PREX2: variants seen among roughly 807,000 people sequenced by gnomAD.
PREX2 encodes the protein phosphatidylinositol-3,4,5-trisphosphate dependent Rac exchange factor 2, also known as phosphatidylinositol 3,4,5-trisphosphate-dependent Rac exchanger 2 protein.
In PREX2, 107 loss-of-function variants were observed where a neutral mutation model predicts 203.2. The observed-to-expected ratio is 0.53, with a 90% CI of 0.45 to 0.62. The LOEUF (loss-of-function observed/expected upper bound fraction) is 0.62, where lower values mean the gene tolerates loss of function less well. Among genes scored for constraint, PREX2 ranks in the 20% least tolerant of loss-of-function variants. The probability of loss-of-function intolerance (pLI) is 0.00; values close to 1 mark genes in which losing one functional copy is unlikely to be tolerated. For missense variants in PREX2, 1,777 were observed against 1,955.9 expected, an observed-to-expected ratio of 0.91 and a Z score of 1.72; for synonymous variants, 672 against 663.6, an observed-to-expected ratio of 1.01 and a Z score of -0.19.
At chr8:68,052,203 A>G (rs1383801552) in intron 8 of PREX2, among the ~76,000 whole-genome samples, 1 of 152,214 alleles carries the variant, frequency 6.6e-6, no homozygotes, top group Non-Finnish European at 1.5e-5. Flanking sequence ...GACTTTCAGG[A>G]GAGACACATG....
Position 68,235,459 on chromosome 8 carries a change from C to T in PREX2, c.*4081C>T, listed in dbSNP as rs943913603. ...GTAATTTCATTAACACATATATATA[C>T]TAACCAATTTGCTAAATGAATTGTC... On this transcript the variant is annotated 3_prime_UTR_variant, in exon 40 of 40. Coordinates refer to ENST00000288368, the MANE Select transcript of PREX2 (RefSeq NM_024870.4). 6.6e-6 allele frequency: 1 copy of T among 152,106 alleles called. No individual in the cohort carries two copies. The highest frequency in any genetic ancestry group is 1.5e-5 in the Non-Finnish European group (1 of 68,004). The allele number at this position is 152,106 out of a possible 1,614,324, so 9.4% of individuals were successfully genotyped here.
At chr8:68,145,711 T>C (rs1451153487) in intron 33 of PREX2, among the ~76,000 whole-genome samples, 1 of 152,132 alleles carries the variant, frequency 6.6e-6, no homozygotes, top group African/African-American at 2.4e-5. Context: ...GGACAATTTT[T>C]AATGACTGTG....
chr8:68,100,761 A>T (rs1810238966), intron 23 of PREX2, among the ~76,000 whole-genome samples: 2 of 152,120 alleles, frequency 1.3e-5, no homozygotes, highest in Admixed American at 6.6e-5. Flanking sequence ...ATTAATGAAA[A>T]CCAGTTGGAA....
intron 37 of PREX2, 98 bp from the exon 38 acceptor site, chr8:68,217,518 T>C: frequency 1.2e-6 from 1 of 811,774 alleles, no homozygotes; most frequent in Admixed American, 2.1e-5. Flanking sequence ...GCTTTTATTT[T>C]GGCTGGTGCT....
intron 1 of PREX2, among the ~76,000 whole-genome samples, chr8:67,955,170 A>AAAAAT (rs1554556251): frequency 9.3e-5 from 13 of 139,484 alleles, no homozygotes; most frequent in African/African-American, 3.0e-4. Flanking sequence ...AAAAAAAAAA[A>AAAAAT]AGAAATCATA....
chr8:67,978,771 G>A (rs1349887198), intron 1 of PREX2, among the ~76,000 whole-genome samples: 1 of 152,056 alleles, frequency 6.6e-6, no homozygotes, highest in East Asian at 1.9e-4. Flanking sequence ...TAGCCTATAA[G>A]CCACTCTAGA....
chr8:68,163,649 G>A (rs1208059367), intron 35 of PREX2, among the ~76,000 whole-genome samples: 1 of 152,144 alleles, frequency 6.6e-6, no homozygotes, highest in African/African-American at 2.4e-5. Context: ...GGAAGGCAGA[G>A]CAATTAGATT....
At chr8:68,148,541 T>C (rs959906409) in intron 34 of PREX2, among the ~76,000 whole-genome samples, 1 of 152,242 alleles carries the variant, frequency 6.6e-6, no homozygotes, top group South Asian at 2.1e-4. Flanking sequence ...AATGTACACA[T>C]AGGCAAAAAA....
rs555818308 is a variant in PREX2, at chr8:68,053,001, A to T, written c.944-96A>T. 299 of 1,040,766 alleles carry T rather than the reference A, an allele frequency of 2.9e-4. 3 individuals carry two copies. In the South Asian group the frequency reaches 4.5e-3, roughly 16 times the overall value. 64.5% of individuals were successfully genotyped at this position (1,040,766 alleles called of 1,614,324 possible). A position where few individuals can be genotyped will look rare whatever the true frequency, so the allele number is the denominator to read the frequency against. On this transcript the variant is annotated intron_variant, in intron 8 of 39. Coordinates refer to ENST00000288368, the MANE Select transcript of PREX2 (RefSeq NM_024870.4). ...AAAGCAAAGAGATGTTGAACAATTC[A>T]GTGGTTTTGGAACTTTTGTGTATTG...
At chr8:68,040,306 G>T (rs1028937868) in intron 7 of PREX2, among the ~76,000 whole-genome samples, 2 of 151,992 alleles carry the variant, frequency 1.3e-5, no homozygotes, top group African/African-American at 4.8e-5. Flanking sequence ...GACTATAGGC[G>T]TGAGCCACCG....
At chr8:68,131,653 A>T (rs965662469) in intron 31 of PREX2, among the ~76,000 whole-genome samples, 1 of 152,230 alleles carries the variant, frequency 6.6e-6, no homozygotes, top group Non-Finnish European at 1.5e-5. Flanking sequence ...CAAATAGTAT[A>T]TAGTAGCAGA....
At chr8:68,184,258 G>T (rs1045023651) in intron 35 of PREX2, among the ~76,000 whole-genome samples, 2 of 152,110 alleles carry the variant, frequency 1.3e-5, no homozygotes, top group African/African-American at 4.8e-5. Flanking sequence ...CTCTTCATGA[G>T]AATTTTTTAT....
chr8:68,033,136 G>A (rs1807937025), intron 6 of PREX2, among the ~76,000 whole-genome samples: 1 of 152,118 alleles, frequency 6.6e-6, no homozygotes, highest in Admixed American at 6.6e-5. Context: ...AGCACAATGT[G>A]CCTATCTAGT....
intron 31 of PREX2, among the ~76,000 whole-genome samples, chr8:68,128,166 C>A (rs551189359): frequency 6.6e-6 from 1 of 152,260 alleles, no homozygotes; most frequent in East Asian, 1.9e-4. Flanking sequence ...TGATGTTAGC[C>A]TGCTGTGCGT....
chr8:68,198,954 A>G (rs1266547940), intron 37 of PREX2, among the ~76,000 whole-genome samples: 1 of 152,206 alleles, frequency 6.6e-6, no homozygotes, highest in Admixed American at 6.5e-5. Context: ...ATAGTGTGTG[A>G]TGTCTTCAAA....
chr8:68,081,321 C>T (rs1431833420), intron 17 of PREX2, among the ~76,000 whole-genome samples: 2 of 152,176 alleles, frequency 1.3e-5, no homozygotes, highest in African/African-American at 2.4e-5. Flanking sequence ...GGTTTGTGCT[C>T]ACTCGCCCGC....
intron 1 of PREX2, among the ~76,000 whole-genome samples, chr8:67,968,073 A>T (rs1182680607): frequency 2.0e-5 from 3 of 150,782 alleles, no homozygotes; most frequent in Non-Finnish European, 4.4e-5. Flanking sequence ...TAAAGTATAA[A>T]AAAAAAAAAA....
chr8:68,145,538 C>A (rs1811308057), intron 33 of PREX2, among the ~76,000 whole-genome samples: 1 of 152,106 alleles, frequency 6.6e-6, no homozygotes, highest in South Asian at 2.1e-4. Context: ...ATTTTACATT[C>A]TTTTCTAGTG....
chr8:67,990,728 G>A (rs779288261), intron 1 of PREX2, among the ~76,000 whole-genome samples: 1 of 151,882 alleles, frequency 6.6e-6, no homozygotes, highest in Non-Finnish European at 1.5e-5. Flanking sequence ...AGCCAGGCTG[G>A]TCTCAAACTC....
Sources: allele counts gnomAD v4.1 joint callset (sites outside exome capture counted in the v4.1 genomes callset), GRCh38; gene constraint gnomAD v4.1.1; transcripts MANE v1.5; gene names NCBI Gene and HGNC (gene_info 2026-07-23, HGNC 2026-07-21).